PCDHA4: variants seen among roughly 807,000 people sequenced by gnomAD.
PCDHA4 encodes protocadherin alpha 4, also known as protocadherin alpha-4.
A neutral mutation model predicts 61.4 loss-of-function variants in PCDHA4; 49 were observed. The ratio of observed to expected loss-of-function variants is 0.80; its 90% CI spans 0.63 to 1.01. PCDHA4 has a LOEUF of 1.01. Among genes scored for constraint, PCDHA4 ranks in the 50% least tolerant of loss-of-function variants. The pLI, the probability that PCDHA4 is intolerant of heterozygous loss-of-function variation, is 0.00. For missense variants in PCDHA4, 1,254 were observed against 1,235.8 expected, an observed-to-expected ratio of 1.01 and a Z score of -0.22; for synonymous variants, 590 against 550.3, an observed-to-expected ratio of 1.07 and a Z score of -1.01.
At chr5:140,883,871 G>A (rs1554180366) in intron 1 of PCDHA4, 2 of 1,613,242 alleles carry the variant, frequency 1.2e-6, no homozygotes, top group African/African-American at 2.7e-5. Context: ...GCAGTTCCAG[G>A]TGAGCGCGCG....
chr5:140,814,837 G>A (rs1178502842), intron 1 of PCDHA4: 1 of 152,114 alleles, frequency 6.6e-6, no homozygotes, highest in Non-Finnish European at 1.5e-5. Context: ...CTCCATTTCT[G>A]TGAATGTTTG....
At chr5:140,864,927 G>T (rs2048656466) in intron 1 of PCDHA4, 1 of 152,138 alleles carries the variant, frequency 6.6e-6, no homozygotes, top group Non-Finnish European at 1.5e-5. Flanking sequence ...GCTTGGCAGG[G>T]TGTCTCAGGC....
At chr5:140,940,572 C>G (rs1315567614) in intron 1 of PCDHA4, among the ~76,000 whole-genome samples, 1 of 152,096 alleles carries the variant, frequency 6.6e-6, no homozygotes, top group African/African-American at 2.4e-5. Context: ...CCTTGGCTCC[C>G]AAAGTGTTGG....
intron 3 of PCDHA4, among the ~76,000 whole-genome samples, chr5:140,997,376 C>T (rs1554255857): frequency 2.6e-5 from 4 of 152,144 alleles, no homozygotes. Flanking sequence ...GATGATATAG[C>T]ATACTACACA....
At chr5:140,828,190 C>T in intron 1 of PCDHA4, 1 of 1,614,112 alleles carries the variant, frequency 6.2e-7, no homozygotes, top group Admixed American at 1.7e-5. Flanking sequence ...AGCTCCACTA[C>T]TCCGTACCCG....
At chr5:140,872,792 G>A (rs1474880199) in intron 1 of PCDHA4, among the ~76,000 whole-genome samples, 1 of 152,054 alleles carries the variant, frequency 6.6e-6, no homozygotes, top group Non-Finnish European at 1.5e-5. Context: ...ATGCTAGTTG[G>A]CATTCTTCCA....
chr5:140,911,234 C>T (rs1554194655), intron 1 of PCDHA4, among the ~76,000 whole-genome samples: 1 of 151,890 alleles, frequency 6.6e-6, no homozygotes, highest in East Asian at 1.9e-4. Context: ...TTTCTTCTGG[C>T]AAAAAAAGTT....
intron 1 of PCDHA4, among the ~76,000 whole-genome samples, chr5:140,924,421 A>G (rs2081827627): frequency 6.6e-6 from 1 of 152,172 alleles, no homozygotes; most frequent in Non-Finnish European, 1.5e-5. Flanking sequence ...TGCCCTTTCT[A>G]GTTCCCTAGA....
intron 1 of PCDHA4, chr5:140,843,591 G>A (rs2150363188): frequency 6.3e-7 from 1 of 1,596,134 alleles, no homozygotes; most frequent in Admixed American, 1.7e-5. Flanking sequence ...CAGCCGCAGA[G>A]GGTGTGCTCT....
intron 1 of PCDHA4, chr5:140,852,251 G>A: frequency 1.9e-6 from 1 of 527,556 alleles, no homozygotes; most frequent in Non-Finnish European, 2.5e-6. Flanking sequence ...ACACACTTTT[G>A]GAATATGCTA....
intron 1 of PCDHA4, among the ~76,000 whole-genome samples, chr5:140,947,946 C>T (rs1396530064): frequency 2.0e-5 from 3 of 151,452 alleles, no homozygotes; most frequent in African/African-American, 7.3e-5. Flanking sequence ...AAAAGTGTTC[C>T]ATATTTTACA....
At chr5:140,815,650 A>G (rs1765775116) in intron 1 of PCDHA4, 1 of 152,012 alleles carries the variant, frequency 6.6e-6, no homozygotes, top group African/African-American at 2.4e-5. Flanking sequence ...GTTTTTATCT[A>G]TATATTTATC....
At chr5:141,005,558 C>T (rs367751568) in intron 3 of PCDHA4, among the ~76,000 whole-genome samples, 1 of 151,122 alleles carries the variant, frequency 6.6e-6, no homozygotes, top group Non-Finnish European at 1.5e-5. Context: ...AAAAATTAGC[C>T]GGGCATGGTG....
chr5:141,000,912 A>G (rs1434885581), intron 3 of PCDHA4, among the ~76,000 whole-genome samples: 1 of 152,194 alleles, frequency 6.6e-6, no homozygotes, highest in East Asian at 1.9e-4. Context: ...TGTCTCTAAA[A>G]AAAAAAATCC....
chr5:140,929,179 G>T (rs782673786), intron 1 of PCDHA4: 5 of 1,614,104 alleles, frequency 3.1e-6, no homozygotes, highest in Non-Finnish European at 4.2e-6. Context: ...TCTGGGACTT[G>T]GTTCTGATAA....
chr5:140,969,264 C>T, intron 1 of PCDHA4: 1 of 1,614,208 alleles, frequency 6.2e-7, no homozygotes, highest in Non-Finnish European at 8.5e-7. Flanking sequence ...AGGAATCTCA[C>T]AGGCCAAAGT....
chr5:140,830,306 C>T, intron 1 of PCDHA4: 11 of 1,613,980 alleles, frequency 6.8e-6, no homozygotes, highest in Non-Finnish European at 9.3e-6. Context: ...CAAGCCCACG[C>T]TGGTGTGCTC....
At chr5:140,836,178 G>A in intron 1 of PCDHA4, 1 of 1,613,826 alleles carries the variant, frequency 6.2e-7, no homozygotes, top group Non-Finnish European at 8.5e-7. Context: ...TGCAGTTGAC[G>A]CTGACTCAGG....
At chr5:140,959,602 CT>C (rs1554224184) in intron 1 of PCDHA4, among the ~76,000 whole-genome samples, 1 of 152,008 alleles carries the variant, frequency 6.6e-6, no homozygotes, top group Admixed American at 6.6e-5. Flanking sequence ...GTATAACATG[CT>C]TTTCTTGCTT....
Sources: gnomAD v4.1 joint callset for allele counts (sites outside exome capture counted in the v4.1 genomes callset) on GRCh38, gnomAD v4.1.1 for gene constraint, MANE v1.5 for transcripts, NCBI Gene and HGNC (gene_info 2026-07-23, HGNC 2026-07-21) for gene names.